RRH: variants seen among roughly 807,000 people sequenced by gnomAD.
RRH encodes retinal pigment epithelium-derived rhodopsin homolog, also known as visual pigment-like receptor peropsin.
In RRH, 36 loss-of-function variants were observed where a neutral mutation model predicts 33.1. That is an observed-to-expected ratio of 1.09 (90% CI 0.83 to 1.44). The LOEUF (loss-of-function observed/expected upper bound fraction) is 1.44. Ranked by LOEUF, RRH falls within the 40% of genes most tolerant of loss-of-function variation. RRH has a pLI of 0.00. For synonymous variants in RRH, 124 were observed against 140.2 expected (o/e 0.88, Z 0.82); for missense variants, 393 against 420.2 (o/e 0.94, Z 0.57).
At chr4:109,836,275 C>A in intron 4 of RRH, 115 bp downstream of exon 4, 1 of 1,060,336 alleles carries the variant, frequency 9.4e-7, no homozygotes, top group Non-Finnish European at 1.4e-6. Context: ...CGAAGCACTT[C>A]CCTGGTAGTG....
At chr4:109,836,891 C>CAAAAAAAGAAAAAAAAAAAAAA (rs1733894985) in intron 4 of RRH, among the ~76,000 whole-genome samples, 1 of 84,416 alleles carries the variant, frequency 1.2e-5, no homozygotes, top group African/African-American at 6.0e-5. Context: ...CCTGTCTCTA[C>CAAAAAAAGAAAAAAAAAAAAAA]AAAAAAAAAA....
intron 1 of RRH, among the ~76,000 whole-genome samples, chr4:109,832,519 T>TGTGC (rs1210864809): frequency 6.6e-6 from 1 of 150,662 alleles, no homozygotes; most frequent in Non-Finnish European, 1.5e-5. Flanking sequence ...TGTGTGTGTG[T>TGTGC]GTGTGTGTGT....
intron 5 of RRH, among the ~76,000 whole-genome samples, chr4:109,841,753 TA>T (rs1733987756): frequency 6.6e-6 from 1 of 152,196 alleles, no homozygotes; most frequent in South Asian, 2.1e-4. Context: ...TTTTTTCCAT[TA>T]AAAATATGTA....
intron 5 of RRH, among the ~76,000 whole-genome samples, chr4:109,839,595 G>C (rs1042771018): frequency 6.6e-6 from 1 of 152,072 alleles, no homozygotes; most frequent in Non-Finnish European, 1.5e-5. Context: ...TGTTCTTCCT[G>C]ATCCTCTCCC....
Position 109,833,332 on chromosome 4 carries a change from A to T in RRH, c.297+3A>T. ...AATTTGGATACGCAGGCTGTCAGGTATTGGAGATCATTGGAATGAAAGCAA... is the reference window on the plus strand; with the variant it reads ...AATTTGGATACGCAGGCTGTCAGGTTTTGGAGATCATTGGAATGAAAGCAA... On this transcript the variant is annotated splice_donor_region_variant and intron_variant, in intron 2 of 6. Coordinates refer to ENST00000317735, the MANE Select transcript of RRH (RefSeq NM_006583.5). 1 of 1,610,526 alleles carries T rather than the reference A, an allele frequency of 6.2e-7. No individual in the cohort carries two copies. The highest frequency in any genetic ancestry group is 8.5e-7 in the Non-Finnish European group (1 of 1,176,900).
intron 4 of RRH, among the ~76,000 whole-genome samples, 177 bp from the exon 5 acceptor site, chr4:109,837,260 C>T (rs1213764671): frequency 6.6e-6 from 1 of 152,034 alleles, no homozygotes; most frequent in Non-Finnish European, 1.5e-5. Context: ...CTGAAATAGG[C>T]CTACAGTCCA....
At chr4:109,843,135 C>T (rs1328202179) in intron 6 of RRH, among the ~76,000 whole-genome samples, 2 of 152,188 alleles carry the variant, frequency 1.3e-5, no homozygotes, top group African/African-American at 4.8e-5. Context: ...AGTTTAGTCC[C>T]AACATAAAAG....
In RRH at chr4:109,829,898, A is replaced by G. The variant is rs186513450; in HGVS notation, c.106+1765A>G. 4.3e-4 allele frequency among the ~76,000 whole-genome samples: 66 copies of G among 152,286 alleles called. 1 individual carries two copies. Among genetic ancestry groups the G allele is most frequent in the Admixed American group, 3.3e-3 (51 of 15,292 alleles). On this transcript the variant is annotated intron_variant, in intron 1 of 6. Coordinates refer to ENST00000317735, the MANE Select transcript of RRH (RefSeq NM_006583.5). ...CTTTTGTTCTGCCCCTGTATCAAGC[A>G]TCTATTTTTCTTTAGATCCCCTAAC...
chr4:109,836,255 C>A (rs1278130753), intron 4 of RRH, 95 bp downstream of exon 4: 4 of 1,338,960 alleles, frequency 3.0e-6, no homozygotes, highest in Admixed American at 1.7e-5. Flanking sequence ...GTTCCTCATA[C>A]AGAAGGTGGC....
In RRH at chr4:109,844,424, G is replaced by A. The variant is rs1734043402; in HGVS notation, c.*227G>A. ...TTGCTCATCTCCTTTGATGAATTAG[G>A]CATCAGAGGTTAAGGTCCCCTTTCT... On this transcript the variant is annotated 3_prime_UTR_variant, in exon 7 of 7. Transcript: ENST00000317735. 2 of 432,888 alleles carry A rather than the reference G, an allele frequency of 4.6e-6. No individual in the cohort carries two copies. Among genetic ancestry groups the A allele is most frequent in the Non-Finnish European group, 8.6e-6 (2 of 232,408 alleles). 26.8% of individuals were successfully genotyped at this position (432,888 alleles called of 1,614,324 possible).
intron 6 of RRH, 147 bp from the exon 7 acceptor site, chr4:109,843,936 G>C (rs900260184): frequency 1.6e-6 from 1 of 638,940 alleles, no homozygotes; most frequent in African/African-American, 1.8e-5. Context: ...ATTTATAAAG[G>C]TTCTCAACAG....
intron 5 of RRH, 52 bp from the exon 6 acceptor site, chr4:109,842,417 A>C: frequency 6.8e-7 from 1 of 1,470,706 alleles, no homozygotes; most frequent in Non-Finnish European, 9.5e-7. Flanking sequence ...TAGATATATT[A>C]ATATTTAAAT....
intron 1 of RRH, among the ~76,000 whole-genome samples, chr4:109,832,533 T>TGTGTGTGTGTGTGTG (rs1286881723): frequency 7.0e-6 from 1 of 143,356 alleles, no homozygotes; most frequent in Admixed American, 7.0e-5. Context: ...TGTGTGTGTG[T>TGTGTGTGTGTGTGTG]TGGAATGAAG....
At chr4:109,839,676 C>A (rs189706381) in intron 5 of RRH, among the ~76,000 whole-genome samples, 2 of 152,252 alleles carry the variant, frequency 1.3e-5, no homozygotes, top group East Asian at 3.9e-4. Context: ...GTGTTCTCAT[C>A]ATTTAGCTCC....
intron 3 of RRH, 58 bp downstream of exon 3, chr4:109,835,523 A>G: frequency 1.8e-6 from 2 of 1,099,392 alleles, no homozygotes; most frequent in Non-Finnish European, 2.8e-6. Context: ...TGGCCACTCA[A>G]TATATATATA....
At chr4:109,837,354 GT>G in intron 4 of RRH, 82 bp from the exon 5 acceptor site, 1 of 1,218,646 alleles carries the variant, frequency 8.2e-7, no homozygotes, top group Non-Finnish European at 1.2e-6. Flanking sequence ...TACCAGTATT[GT>G]TTTTAATAAT....
chr4:109,828,249 A>G, intron 1 of RRH, 116 bp downstream of exon 1: 2 of 698,420 alleles, frequency 2.9e-6, no homozygotes, highest in Non-Finnish European at 5.2e-6. Flanking sequence ...TTGACAAGTC[A>G]TTTATCCTGA....
Position 109,844,110 on chromosome 4 carries a change from C to A in RRH, c.927C>A (p.Phe309Leu). The change falls in exon 7 of 7, where the codon TTC becomes TTA. Residue 309 changes from phenylalanine to leucine, a missense_variant. Physicochemically the swap from Phe to Leu is conservative, Grantham distance 22 (BLOSUM62 0). Transcript: ENST00000317735. Reference protein sequence around the residue: ...KKFRRAMLAMFKCQTHQTMPV... With the variant: ...KKFRRAMLAMLKCQTHQTMPV... Reference sequence around the variant, plus strand: ...TTCGGAGGGCAATGCTTGCCATGTTCAAATGTCAGACTCACCAAACAATGC... The same window carrying A: ...TTCGGAGGGCAATGCTTGCCATGTTAAAATGTCAGACTCACCAAACAATGC... The A allele has an allele frequency of 1.2e-6, 2 of 1,613,624 alleles. No individual in the cohort carries two copies. Among genetic ancestry groups the A allele is most frequent in the Admixed American group, 1.7e-5 (1 of 60,014 alleles).
intron 2 of RRH, 24 bp downstream of exon 2, chr4:109,833,353 A>T: frequency 6.4e-7 from 1 of 1,570,006 alleles, no homozygotes; most frequent in Non-Finnish European, 8.8e-7. Context: ...TTGGAATGAA[A>T]GCAAAATAAA....
Sources: gnomAD v4.1 joint callset for allele counts (sites outside exome capture counted in the v4.1 genomes callset) on GRCh38, gnomAD v4.1.1 for gene constraint, MANE v1.5 for transcripts, NCBI Gene and HGNC (gene_info 2026-07-23, HGNC 2026-07-21) for gene names.